Variants in CASK observed in about 807,000 individuals in gnomAD.
The protein encoded by CASK is calcium/calmodulin dependent serine protein kinase, also known as peripheral plasma membrane protein CASK.
In CASK, 4 loss-of-function variants were observed where a neutral mutation model predicts 82.9. The ratio of observed to expected loss-of-function variants is 0.05; its 90% CI spans 0.02 to 0.11. The LOEUF (loss-of-function observed/expected upper bound fraction) is 0.11, where lower values mean the gene tolerates loss of function less well. Among genes scored for constraint, CASK ranks in the 10% least tolerant of loss-of-function variants. The pLI is 1.00. For missense variants in CASK, 358 were observed against 720.9 expected (o/e 0.50, Z 5.76); for synonymous variants, 259 against 253.5 (o/e 1.02, Z -0.20).
At chrX:41,859,362 A>G (rs2147985131) in intron 1 of CASK, among the ~76,000 whole-genome samples, 1 of 111,819 alleles carries the variant, frequency 8.9e-6, no homozygotes, top group African/African-American at 3.3e-5. Context: ...AAATTCGCCT[A>G]CTTGGTAAAA....
intron 12 of CASK, among the ~76,000 whole-genome samples, chrX:41,609,338 C>T (rs1226791155): frequency 3.6e-5 from 4 of 111,544 alleles, no homozygotes; most frequent in Non-Finnish European, 7.5e-5. Context: ...TGGTCTCGAA[C>T]TCCTGACCTC....
intron 1 of CASK, among the ~76,000 whole-genome samples, chrX:41,898,089 C>T (rs2072303001): frequency 9.0e-6 from 1 of 111,119 alleles, no homozygotes; most frequent in Non-Finnish European, 1.9e-5. Flanking sequence ...GCCACTGATG[C>T]CATAGGTTCT....
chrX:41,812,500 T>C (rs1342016590), intron 2 of CASK, among the ~76,000 whole-genome samples: 1 of 111,701 alleles, frequency 9.0e-6, no homozygotes, highest in East Asian at 2.8e-4. Context: ...CACATGATTA[T>C]CTCAATAGAT....
intron 12 of CASK, among the ~76,000 whole-genome samples, chrX:41,601,888 G>GA (rs199907848): frequency 0.01 from 1,093 of 108,043 alleles, 14 homozygotes; most frequent in Middle Eastern, 0.028. Flanking sequence ...AGGACCATTT[G>GA]AAAAAAAAAG....
chrX:41,812,749 G>A (rs1434384256), intron 2 of CASK, among the ~76,000 whole-genome samples: 1 of 111,404 alleles, frequency 9.0e-6, no homozygotes, highest in Non-Finnish European at 1.9e-5. Context: ...AGGGTAATCA[G>A]GCAGGAGAAA....
chrX:41,790,762 C>G (rs1162064308), intron 2 of CASK, among the ~76,000 whole-genome samples: 2 of 112,164 alleles, frequency 1.8e-5, no homozygotes, highest in Non-Finnish European at 3.8e-5. Context: ...TTAAATAGCT[C>G]AAATAGCACA....
At chrX:41,708,504 T>G (rs780750754) in intron 5 of CASK, among the ~76,000 whole-genome samples, 1 of 112,287 alleles carries the variant, frequency 8.9e-6, no homozygotes, top group African/African-American at 3.2e-5. Context: ...AAACAAAAAC[T>G]ATCCCTAAAG....
Position 41,555,600 on chromosome X carries a change from C to A in CASK, c.1842G>T (p.Gln614His). The A allele has an allele frequency of 8.3e-7, 1 of 1,198,457 alleles. No homozygotes were observed. Among genetic ancestry groups the A allele is most frequent in the Non-Finnish European group, 1.1e-6 (1 of 883,526 alleles). ...LPSTTQPKGR[Q>H]IYVRAQFEYD... is the part of the protein sequence containing the mutation. ...GTTTCTATAGAGGATATCTATTCACCTGTCGTCCTTTTGGTTGGGTAGTTG... is the reference window on the plus strand; with the variant it reads ...GTTTCTATAGAGGATATCTATTCACATGTCGTCCTTTTGGTTGGGTAGTTG... Residue 614 changes from glutamine to histidine, a missense_variant and splice_region_variant, in exon 20 of 27, where the codon CAG becomes CAT. Gln to His is a conservative substitution (Grantham distance 24). Around this residue, in one of 5 missense-constraint regions of CASK, gnomAD observed 41 missense variants for 39.4 expected, o/e 1.04. Coordinates refer to ENST00000378163, the MANE Select transcript of CASK (RefSeq NM_001367721.1).
intron 16 of CASK, among the ~76,000 whole-genome samples, chrX:41,567,615 A>T (rs1221286234): frequency 8.9e-6 from 1 of 111,830 alleles, no homozygotes; most frequent in Non-Finnish European, 1.9e-5. Flanking sequence ...ATGTGGAGAA[A>T]TAGGAACACT....
intron 8 of CASK, among the ~76,000 whole-genome samples, chrX:41,657,080 G>C (rs976070464): frequency 3.6e-5 from 4 of 111,875 alleles, no homozygotes; most frequent in Admixed American, 9.5e-5. Flanking sequence ...CCCTGCATGG[G>C]AGTGGACTGA....
chrX:41,654,946 CA>C (rs1371331636), intron 8 of CASK, among the ~76,000 whole-genome samples: 1 of 107,907 alleles, frequency 9.3e-6, no homozygotes, highest in East Asian at 2.9e-4. Flanking sequence ...ACAAAAGGGG[CA>C]AGGTCCCTTG....
chrX:41,760,858 T>G (rs1459543474), intron 3 of CASK, among the ~76,000 whole-genome samples: 4 of 111,490 alleles, frequency 3.6e-5, no homozygotes, highest in African/African-American at 1.3e-4. Flanking sequence ...TTAAACACAC[T>G]TTTTTTTAAG....
At chrX:41,524,435 C>G (rs1459390081) in intron 25 of CASK, 2 of 167,831 alleles carry the variant, frequency 1.2e-5, no homozygotes, top group Non-Finnish European at 2.2e-5. Context: ...ATCTGGAGGC[C>G]ACTCCCTCAC....
chrX:41,630,433 G>T (rs12009960), intron 9 of CASK, among the ~76,000 whole-genome samples: 1 of 111,520 alleles, frequency 9.0e-6, no homozygotes, highest in Non-Finnish European at 1.9e-5. Context: ...TCAGAAACAC[G>T]CATCATGAAG....
rs1420287454 is a variant in CASK at position 41,531,062 on chromosome X, G to A, written c.2465C>T (p.Thr822Ile). 1.7e-6 allele frequency: 2 copies of A among 1,209,952 alleles called. No individual in the cohort carries two copies. Among genetic ancestry groups the A allele is most frequent in the African/African-American group, 3.5e-5 (2 of 57,198 alleles). The change falls in exon 25 of 27, where the codon ACC becomes ATC. Residue 822 changes from threonine (T) to isoleucine (I), a missense_variant. By Grantham distance (89) the Thr-to-Ile change is moderately conservative (BLOSUM62 -1). Around this residue, in one of 5 missense-constraint regions of CASK, gnomAD observed 118 missense variants for 169.4 expected, o/e 0.70. Coordinates refer to ENST00000378163, the MANE Select transcript of CASK (RefSeq NM_001367721.1). ...EDAMYGTKLE[T>I]IRKIHEQGLI... is the part of the protein sequence containing the mutation. ...CCCCTGCTCGTGGATCTTCCGGATG[G>A]TCTCCAGTTTTGTCCCATACATCGC...
At chrX:41,922,850 G>T in intron 1 of CASK, 80 bp downstream of exon 1, 1 of 905,491 alleles carries the variant, frequency 1.1e-6, no homozygotes, top group Non-Finnish European at 1.6e-6. Context: ...CAGGGGGCAG[G>T]CCCCGAGCGG....
chrX:41,522,360 T>C (rs751063980), intron 26 of CASK: 2 of 112,224 alleles, frequency 1.8e-5, no homozygotes, highest in East Asian at 2.8e-4. Flanking sequence ...TGTTTTGTCC[T>C]CTTTTACTGG....
At chrX:41,783,016 G>C (rs1602616928) in intron 3 of CASK, among the ~76,000 whole-genome samples, 1 of 110,412 alleles carries the variant, frequency 9.1e-6, no homozygotes, top group Middle Eastern at 4.7e-3. Context: ...GTGGTGGCAT[G>C]CGCCTGTAGT....
At chrX:41,765,811 C>T (rs761621020) in intron 3 of CASK, among the ~76,000 whole-genome samples, 2 of 111,495 alleles carry the variant, frequency 1.8e-5, no homozygotes, top group Non-Finnish European at 3.8e-5. Flanking sequence ...TCTGAATGAA[C>T]CCTATTCACA....
Sources: allele counts gnomAD v4.1 joint callset (sites outside exome capture counted in the v4.1 genomes callset), GRCh38; gene constraint gnomAD v4.1.1; regional missense constraint gnomAD v4.1.1; transcripts MANE v1.5; gene names NCBI Gene and HGNC (gene_info 2026-07-23, HGNC 2026-07-21).